SLC13A4: variants seen among roughly 807,000 people sequenced by gnomAD.
SLC13A4 encodes Na(+)/sulfate cotransporter SUT-1.
Under a neutral mutation model 72.7 loss-of-function variants are expected in SLC13A4, and 28 were observed. The observed-to-expected ratio is 0.39, with a 90% CI of 0.29 to 0.53. The LOEUF is 0.53. Among genes scored for constraint, SLC13A4 ranks in the 20% least tolerant of loss-of-function variants. The pLI is 0.78. For synonymous variants in SLC13A4, 312 were observed against 325.5 expected (o/e 0.96, Z 0.45); for missense variants, 653 against 788.0 (o/e 0.83, Z 2.05).
intron 11 of SLC13A4, chr7:135,692,104 T>C: frequency 1.8e-6 from 1 of 561,046 alleles, no homozygotes; most frequent in Non-Finnish European, 3.1e-6. Flanking sequence ...CAAGAGCTTA[T>C]GTAATGAGAC....
At chr7:135,693,840 C>T (rs1795844917) in intron 10 of SLC13A4, among the ~76,000 whole-genome samples, 1 of 152,184 alleles carries the variant, frequency 6.6e-6, no homozygotes, top group Non-Finnish European at 1.5e-5. Flanking sequence ...TCACATTTTC[C>T]AAGAGGGTGG....
At chr7:135,709,380 C>G (rs1796245571) in intron 2 of SLC13A4, among the ~76,000 whole-genome samples, 2 of 150,922 alleles carry the variant, frequency 1.3e-5, no homozygotes, top group Admixed American at 1.3e-4. Flanking sequence ...TGGTCCTTTA[C>G]CCCTAAATAC....
intron 6 of SLC13A4, chr7:135,702,435 G>T (rs1796059685): frequency 1.2e-5 from 2 of 171,492 alleles, no homozygotes; most frequent in South Asian, 2.8e-4. Flanking sequence ...AAGTGCAGTG[G>T]CACGATCTGG....
intron 15 of SLC13A4, 195 bp downstream of exon 15, chr7:135,683,929 G>A (rs931599979): frequency 1.8e-6 from 1 of 563,004 alleles, no homozygotes; most frequent in Non-Finnish European, 2.3e-6. Context: ...GTTGGGGAGA[G>A]CACATTCTTG....
chr7:135,708,370 G>T (rs558939101), intron 2 of SLC13A4, 120 bp from the exon 3 acceptor site: 1 of 1,333,304 alleles, frequency 7.5e-7, no homozygotes, highest in Admixed American at 2.1e-5. Flanking sequence ...GCTGGCGAAG[G>T]GGAGGCAGGG....
intron 2 of SLC13A4, among the ~76,000 whole-genome samples, chr7:135,712,634 G>A (rs563128191): frequency 8.5e-5 from 13 of 152,176 alleles, no homozygotes; most frequent in Admixed American, 2.0e-4. Flanking sequence ...GAGCTGGTTT[G>A]AGGCCATTAG....
chr7:135,715,174 TA>T (rs1796392167), intron 2 of SLC13A4, among the ~76,000 whole-genome samples: 1 of 151,502 alleles, frequency 6.6e-6, no homozygotes, highest in African/African-American at 2.4e-5. Context: ...TATATATGTG[TA>T]TATGGGTATA....
At chr7:135,709,431 A>ATTTTT (rs879324449) in intron 2 of SLC13A4, among the ~76,000 whole-genome samples, 1 of 70,914 alleles carries the variant, frequency 1.4e-5, no homozygotes, top group African/African-American at 4.3e-5. Context: ...TTTTTAAAAA[A>ATTTTT]AAATTTGAGA....
At position 135,695,937 on chromosome 7, in the gene SLC13A4, A is replaced by G. The variant is rs3800764; in HGVS notation, c.900-450T>C. 8.3e-3 allele frequency among the ~76,000 whole-genome samples: 1,262 copies of G among 152,306 alleles called. 22 individuals are homozygous for G. Among genetic ancestry groups the G allele is most frequent in the South Asian group, 0.056 (271 of 4,818 alleles). ...CTTTAGGGCTTAATGAAGTTTTTAG[A>G]TATTAACGGTGCCCATAAGAGAACC... On this transcript the variant is annotated intron_variant, in intron 8 of 15. Transcript: ENST00000682651.
intron 6 of SLC13A4, 160 bp from the exon 7 acceptor site, chr7:135,701,920 C>T (rs879017155): frequency 1.7e-6 from 1 of 595,636 alleles, no homozygotes; most frequent in South Asian, 2.4e-5. Context: ...GCACCTCAGC[C>T]AGGCCTGCCC....
At chr7:135,682,400 G>A (rs1037960979) in intron 15 of SLC13A4, among the ~76,000 whole-genome samples, 1 of 152,256 alleles carries the variant, frequency 6.6e-6, no homozygotes, top group African/African-American at 2.4e-5. Context: ...GTCCTGTAAG[G>A]ATAGCTGGCA....
chr7:135,691,525 C>A, intron 12 of SLC13A4, 23 bp downstream of exon 12: 1 of 1,583,046 alleles, frequency 6.3e-7, no homozygotes, highest in Non-Finnish European at 8.7e-7. Flanking sequence ...TAGAGCTACC[C>A]CCAGTTTCTT....
At chr7:135,706,785 A>G (rs1416725464) in intron 3 of SLC13A4, among the ~76,000 whole-genome samples, 1 of 152,246 alleles carries the variant, frequency 6.6e-6, no homozygotes, top group Non-Finnish European at 1.5e-5. Context: ...TGGAGCTCAC[A>G]GTTCCACCCA....
chr7:135,700,482 A>G (rs1001267344), intron 7 of SLC13A4, among the ~76,000 whole-genome samples: 1 of 152,146 alleles, frequency 6.6e-6, no homozygotes, highest in African/African-American at 2.4e-5. Flanking sequence ...CCACTGCCCC[A>G]TCTTCCTAGT....
rs749835258 is a variant in SLC13A4, at chr7:135,681,616, G to C, written c.1831C>G (p.Leu611Val). 1 of 1,614,168 alleles carries C rather than the reference G, an allele frequency of 6.2e-7. No individual in the cohort carries two copies. The highest frequency in any genetic ancestry group is 2.2e-5 in the East Asian group (1 of 44,886). The change falls in exon 16 of 16, where the codon CTG becomes GTG. Residue 611 changes from leucine (L) to valine (V), a missense_variant. Physicochemically the swap from Leu to Val is conservative, Grantham distance 32. Coordinates refer to ENST00000682651, the MANE Select transcript of SLC13A4 (RefSeq NM_001318192.2). ...CTCGCCCATGCTGGGTAAGTGTCCAGGTGGAAGAGGCTAACTCCCCAGGTG... is the reference window on the plus strand; with the variant it reads ...CTCGCCCATGCTGGGTAAGTGTCCACGTGGAAGAGGCTAACTCCCCAGGTG... ...INTWGVSLFH[L>V]DTYPAWARVS...
chr7:135,681,480 T>C lies in SLC13A4; in HGVS notation c.*83A>G. On this transcript the variant is annotated 3_prime_UTR_variant, in exon 16 of 16. Coordinates refer to ENST00000682651, the MANE Select transcript of SLC13A4 (RefSeq NM_001318192.2). Reference sequence around the variant, plus strand: ...GTCTGGGGTTGTGTGCTCCTGGTGGTCCTAGTGGTTTTCTTTGCCTGTGGT... The same window carrying C: ...GTCTGGGGTTGTGTGCTCCTGGTGGCCCTAGTGGTTTTCTTTGCCTGTGGT... 3 of 1,540,542 alleles carry C rather than the reference T, an allele frequency of 1.9e-6. No individual in the cohort carries two copies. The highest frequency in any genetic ancestry group is 2.7e-5 in the African/African-American group (2 of 73,632).
rs759152313 is a variant in SLC13A4, at chr7:135,691,587, T to C, written c.1282A>G (p.Ile428Val). The change falls in exon 12 of 16, where the codon ATT becomes GTT. Residue 428 changes from isoleucine (I) to valine (V), a missense_variant. Transcript: ENST00000682651. ...SVFLGFLLFL[I>V]PAKKPCFGKK... ...CCAAAGCAGGGCTTCTTCGCTGGAA[T>C]GAGGAAGAGGAGGAAGCCAAGGAAG... The C allele has an allele frequency of 3.7e-6, 6 of 1,613,914 alleles. No homozygotes were observed. Among genetic ancestry groups the C allele is most frequent in the Non-Finnish European group, 5.1e-6 (6 of 1,179,834 alleles).
rs781208193 is a variant in SLC13A4, at chr7:135,685,624, C to T, written c.1506G>A (p.Pro502=). 47 of 1,614,024 alleles carry T rather than the reference C, an allele frequency of 2.9e-5. No individual in the cohort carries two copies. The highest frequency in any genetic ancestry group is 4.4e-5 in the South Asian group (4 of 91,088). Residue 502 remains proline (P), a synonymous_variant, in exon 14 of 16, where the codon CCG becomes CCA. Coordinates refer to ENST00000682651, the MANE Select transcript of SLC13A4 (RefSeq NM_001318192.2). ...NQMLSLSSLP[P]WAVTLLACIL... ...TGCATGCCAGCAGGGTGACAGCCCA[C>T]GGTGGGAGGCTGCTCAGGGACAACA...
At position 135,727,769 on chromosome 7, in the gene SLC13A4, A is replaced by C. The variant is rs1796699704; in HGVS notation, c.-273T>G. The C allele has an allele frequency of 2.4e-6, 1 of 421,002 alleles. No homozygotes were observed. Among genetic ancestry groups the C allele is most frequent in the Non-Finnish European group, 4.2e-6 (1 of 236,562 alleles). The allele number at this position is 421,002 out of a possible 1,614,324, so 26.1% of individuals were successfully genotyped here. ...GGGAAAGGATGATAAACGGGGGCAT[A>C]GTGGGCCTCCTCTCGGCTTGATTAG... On this transcript the variant is annotated 5_prime_UTR_variant, in exon 1 of 16. Transcript: ENST00000682651.
Sources: gnomAD v4.1 joint callset for allele counts (sites outside exome capture counted in the v4.1 genomes callset) on GRCh38, gnomAD v4.1.1 for gene constraint, MANE v1.5 for transcripts, NCBI Gene and HGNC (gene_info 2026-07-23, HGNC 2026-07-21) for gene names.